TEAD1: variants seen among roughly 807,000 people sequenced by gnomAD.
TEAD1 encodes TEA domain transcription factor 1, also known as transcriptional enhancer factor TEF-1.
Under a neutral mutation model 54.9 loss-of-function variants are expected in TEAD1, and 9 were observed. The ratio of observed to expected loss-of-function variants is 0.16; its 90% CI spans 0.10 to 0.29. The LOEUF is 0.29. Ranked by LOEUF, TEAD1 falls within the 10% of genes least tolerant of loss-of-function variation. TEAD1 has a pLI of 1.00. For synonymous variants in TEAD1, 200 were observed against 187.8 expected (o/e 1.07, Z -0.53); for missense variants, 387 against 535.9 (o/e 0.72, Z 2.74).
At chr11:12,685,170 C>T (rs1943307445) in intron 2 of TEAD1, among the ~76,000 whole-genome samples, 1 of 152,146 alleles carries the variant, frequency 6.6e-6, no homozygotes, top group Non-Finnish European at 1.5e-5. Flanking sequence ...ACATCTTTTC[C>T]TTTTGTCTCT....
chr11:12,862,540 A>C (rs547946091), intron 4 of TEAD1, among the ~76,000 whole-genome samples: 38 of 152,196 alleles, frequency 2.5e-4, no homozygotes, highest in Non-Finnish European at 5.1e-4. Flanking sequence ...ACATGGGAAA[A>C]TGTCACTGCT....
chr11:12,800,563 A>G (rs1946034875), intron 3 of TEAD1, among the ~76,000 whole-genome samples: 1 of 152,186 alleles, frequency 6.6e-6, no homozygotes, highest in Non-Finnish European at 1.5e-5. Flanking sequence ...CAATCAGGGA[A>G]TTCTACTAAG....
intron 3 of TEAD1, among the ~76,000 whole-genome samples, chr11:12,772,582 G>T (rs1323495128): frequency 6.6e-6 from 1 of 152,208 alleles, no homozygotes; most frequent in African/African-American, 2.4e-5. Flanking sequence ...CTACTCAGCA[G>T]TGAGTATTAG....
At chr11:12,689,722 A>G (rs576447133) in intron 2 of TEAD1, among the ~76,000 whole-genome samples, 27 of 152,218 alleles carry the variant, frequency 1.8e-4, no homozygotes, top group African/African-American at 6.5e-4. Context: ...AGTTTAGTAC[A>G]GTAGAGGGCA....
chr11:12,927,577 A>G (rs1328066118), intron 11 of TEAD1, among the ~76,000 whole-genome samples: 2 of 152,220 alleles, frequency 1.3e-5, no homozygotes, highest in Non-Finnish European at 2.9e-5. Flanking sequence ...AAAGAAAAAC[A>G]AAAACCTTGT....
intron 3 of TEAD1, among the ~76,000 whole-genome samples, chr11:12,809,177 A>T (rs1946238987): frequency 6.6e-6 from 1 of 152,198 alleles, no homozygotes; most frequent in South Asian, 2.1e-4. Context: ...TGAGGACACC[A>T]GAGCGGCAGG....
At chr11:12,724,363 A>G (rs147096050) in intron 2 of TEAD1, among the ~76,000 whole-genome samples, 1 of 152,380 alleles carries the variant, frequency 6.6e-6, no homozygotes, top group African/African-American at 2.4e-5. Context: ...AAGATGGATC[A>G]CATTTTCCCT....
chr11:12,837,737 T>C (rs1946930658), intron 3 of TEAD1, among the ~76,000 whole-genome samples: 1 of 141,640 alleles, frequency 7.1e-6, no homozygotes, highest in Non-Finnish European at 1.5e-5. Context: ...CTTCTCCTCC[T>C]CCTTCTTCTT....
At chr11:12,893,207 G>A (rs966545858) in intron 9 of TEAD1, among the ~76,000 whole-genome samples, 1 of 152,216 alleles carries the variant, frequency 6.6e-6, no homozygotes, top group African/African-American at 2.4e-5. Flanking sequence ...CTAACGGTTG[G>A]CTCTGCTTAG....
At chr11:12,894,723 A>G (rs919875958) in intron 9 of TEAD1, among the ~76,000 whole-genome samples, 22 of 152,162 alleles carry the variant, frequency 1.4e-4, no homozygotes, top group Non-Finnish European at 5.9e-5. Flanking sequence ...GTCTTCATTT[A>G]TGCTTTAAGT....
At chr11:12,809,210 A>C (rs1414388228) in intron 3 of TEAD1, among the ~76,000 whole-genome samples, 1 of 152,130 alleles carries the variant, frequency 6.6e-6, no homozygotes, top group African/African-American at 2.4e-5. Context: ...AGCAGTGGAC[A>C]CTCAGTGACG....
intron 2 of TEAD1, among the ~76,000 whole-genome samples, chr11:12,745,261 G>A (rs1019423865): frequency 1.3e-5 from 2 of 152,192 alleles, no homozygotes; most frequent in African/African-American, 2.4e-5. Context: ...ATAATTGCAC[G>A]GTGTGATGTG....
At chr11:12,890,881 C>G (rs918594944) in intron 9 of TEAD1, among the ~76,000 whole-genome samples, 10 of 152,202 alleles carry the variant, frequency 6.6e-5, no homozygotes, top group African/African-American at 2.4e-4. Context: ...TCCCCTGCCT[C>G]AGCCTCCCAC....
chr11:12,845,000 C>G (rs1193302468), intron 3 of TEAD1, among the ~76,000 whole-genome samples: 2 of 132,200 alleles, frequency 1.5e-5, no homozygotes, highest in Non-Finnish European at 3.1e-5. Flanking sequence ...AGGGTCTCGC[C>G]TGTCGCCCAG....
chr11:12,814,857 CTGTG>C (rs149307000), intron 3 of TEAD1, among the ~76,000 whole-genome samples: 1 of 142,914 alleles, frequency 7.0e-6, no homozygotes, highest in Non-Finnish European at 1.5e-5. Flanking sequence ...CCGTCCCGAG[CTGTG>C]TGTGTGTGTC....
chr11:12,887,065 A>G (rs930733834), intron 9 of TEAD1, among the ~76,000 whole-genome samples: 1 of 148,812 alleles, frequency 6.7e-6, no homozygotes, highest in African/African-American at 2.5e-5. Context: ...ATGCAAATGA[A>G]TGTGGAAGTT....
chr11:12,795,673 A>C lies in TEAD1; in HGVS notation c.202+31239A>C, dbSNP rs545649480. On this transcript the variant is annotated intron_variant, in intron 3 of 12. Transcript: ENST00000527636. ...GGTCCATGGACCAACTGGCAACATC[A>C]GCATCACCTGAGAGCTTTTTTTGGA... Among the ~76,000 whole-genome samples the C allele has an allele frequency of 9.8e-5, 15 of 152,290 alleles. No homozygotes were observed. The South Asian group carries it at 3.1e-3, about 32-fold the overall frequency.
intron 2 of TEAD1, among the ~76,000 whole-genome samples, chr11:12,742,652 A>C (rs1249939402): frequency 6.6e-6 from 1 of 152,238 alleles, no homozygotes; most frequent in Non-Finnish European, 1.5e-5. Flanking sequence ...ATCATTCCAC[A>C]ATATATACAT....
intron 2 of TEAD1, among the ~76,000 whole-genome samples, chr11:12,712,193 GTCCATCCATCCA>G (rs574149662): frequency 6.6e-6 from 1 of 152,028 alleles, no homozygotes; most frequent in Non-Finnish European, 1.5e-5. Flanking sequence ...CCGTCTGCCC[GTCCATCCATCCA>G]TCCATCCAAT....
Sources: gnomAD v4.1 joint callset for allele counts (sites outside exome capture counted in the v4.1 genomes callset) on GRCh38, gnomAD v4.1.1 for gene constraint, MANE v1.5 for transcripts, NCBI Gene and HGNC (gene_info 2026-07-23, HGNC 2026-07-21) for gene names.